Variants in COPG2 observed in about 807,000 individuals in gnomAD.
COPG2 encodes the protein coatomer subunit gamma-2.
A neutral mutation model predicts 46.3 loss-of-function variants in COPG2; 37 were observed. The observed-to-expected ratio is 0.80, with a 90% CI of 0.61 to 1.05. The LOEUF (loss-of-function observed/expected upper bound fraction) is 1.05, where lower values mean the gene tolerates loss of function less well. COPG2 is among the 50% of genes least tolerant of loss of function. COPG2 has a pLI of 0.00. For missense variants in COPG2, 427 were observed against 387.8 expected, an observed-to-expected ratio of 1.10 and a Z score of -0.85; for synonymous variants, 159 against 129.7, an observed-to-expected ratio of 1.23 and a Z score of -1.53.
At chr7:130,655,266 C>G (rs1554459748) in intron 4 of COPG2, among the ~76,000 whole-genome samples, 1 of 151,342 alleles carries the variant, frequency 6.6e-6, no homozygotes, top group Non-Finnish European at 1.5e-5. Context: ...TTTTTTTTCA[C>G]TTTGAGGCTT....
chr7:130,668,288 C>G (rs1425731506), intron 1 of COPG2, among the ~76,000 whole-genome samples: 1 of 151,982 alleles, frequency 6.6e-6, no homozygotes, highest in Non-Finnish European at 1.5e-5. Context: ...CCTACCAGCA[C>G]CCCTGGACGC....
At position 130,667,542 on chromosome 7, in the gene COPG2, T is replaced by TAAAAC; in HGVS notation, c.38-13_38-9dup. On this transcript the variant is annotated splice_polypyrimidine_tract_variant and intron_variant, in intron 1 of 23. Coordinates refer to ENST00000425248, the MANE Select transcript of COPG2 (RefSeq NM_012133.6). ...AAGGATTGGAGCCACTACCTATTTATAAAACAAAACAAAAAAATGTCCTGA... is the reference window on the plus strand; with the variant it reads ...AAGGATTGGAGCCACTACCTATTTATAAAACAAAACAAAACAAAAAAATGTCCTGA... 6.2e-7 allele frequency: 1 copy of TAAAAC among 1,612,488 alleles called. No homozygotes were observed. The highest frequency in any genetic ancestry group is 1.3e-5 in the African/African-American group (1 of 75,026).
At chr7:130,648,336 T>C in intron 5 of COPG2, among the ~76,000 whole-genome samples, 1 of 152,190 alleles carries the variant, frequency 6.6e-6, no homozygotes, top group South Asian at 2.1e-4. Flanking sequence ...CACTGTGTCA[T>C]TAGGGCTATG....
chr7:130,649,997 G>A (rs1011825134), intron 5 of COPG2, among the ~76,000 whole-genome samples: 3 of 152,098 alleles, frequency 2.0e-5, no homozygotes, highest in African/African-American at 4.8e-5. Context: ...TCAAGATATC[G>A]GTAGGGCTAC....
At chr7:130,511,108 A>G (rs1324304924) in intron 20 of COPG2, among the ~76,000 whole-genome samples, 3 of 152,184 alleles carry the variant, frequency 2.0e-5, no homozygotes, top group African/African-American at 7.2e-5. Context: ...CAGGAGAGGG[A>G]CATGTGAGTT....
intron 5 of COPG2, among the ~76,000 whole-genome samples, chr7:130,621,941 C>A (rs1795045769): frequency 2.6e-5 from 2 of 77,106 alleles, no homozygotes; most frequent in Admixed American, 1.4e-4. Flanking sequence ...GAGACTCCAT[C>A]TCAAAAAAAA....
At chr7:130,573,213 CAAAA>C (rs374780719) in intron 9 of COPG2, among the ~76,000 whole-genome samples, 2 of 145,426 alleles carry the variant, frequency 1.4e-5, no homozygotes, top group Admixed American at 6.8e-5. Flanking sequence ...AATCACACCT[CAAAA>C]AAAAAAAACC....
chr7:130,537,089 T>A (rs948501165), intron 20 of COPG2, among the ~76,000 whole-genome samples: 15 of 152,054 alleles, frequency 9.9e-5, no homozygotes, highest in Middle Eastern at 3.4e-3. Flanking sequence ...GGTGCATTCG[T>A]ACCGGGGGGA....
At chr7:130,592,430 G>T (rs542475189) in intron 9 of COPG2, among the ~76,000 whole-genome samples, 1 of 150,128 alleles carries the variant, frequency 6.7e-6, no homozygotes, top group African/African-American at 2.4e-5. Flanking sequence ...ATTTCTCAAG[G>T]TAGTACAAAA....
At chr7:130,664,199 T>C (rs7792600) in intron 3 of COPG2, among the ~76,000 whole-genome samples, 120,965 of 152,150 alleles carry the variant, frequency 0.8, 48,388 homozygotes, top group Non-Finnish European at 0.85. Flanking sequence ...AAAAGCAATC[T>C]TATATAATAC....
chr7:130,532,399 A>C (rs1241415704), intron 20 of COPG2, among the ~76,000 whole-genome samples: 1 of 151,982 alleles, frequency 6.6e-6, no homozygotes, highest in African/African-American at 2.4e-5. Flanking sequence ...CGCAAAGGGG[A>C]ATGGAGACAG....
intron 9 of COPG2, among the ~76,000 whole-genome samples, chr7:130,590,262 G>C (rs1298506882): frequency 6.7e-6 from 1 of 150,296 alleles, no homozygotes. Flanking sequence ...CTCTCCCCAC[G>C]GTCTCCCTCT....
intron 5 of COPG2, among the ~76,000 whole-genome samples, chr7:130,635,040 T>G (rs1189016873): frequency 6.6e-6 from 1 of 150,584 alleles, no homozygotes; most frequent in Non-Finnish European, 1.5e-5. Context: ...TGAACCAGCC[T>G]TGCATCCCAG....
intron 5 of COPG2, among the ~76,000 whole-genome samples, chr7:130,631,174 T>TTC (rs1795222540): frequency 1.1e-4 from 1 of 8,986 alleles, no homozygotes; most frequent in South Asian, 2.8e-3. Flanking sequence ...TTTCTTTTCT[T>TTC]TTTTTTTTTT....
At chr7:130,536,843 G>A (rs972765936) in intron 20 of COPG2, among the ~76,000 whole-genome samples, 3 of 152,196 alleles carry the variant, frequency 2.0e-5, no homozygotes, top group Non-Finnish European at 4.4e-5. Context: ...GCCAAGATAG[G>A]GGCCCAGTGA....
intron 9 of COPG2, among the ~76,000 whole-genome samples, chr7:130,590,789 G>A (rs1362445952): frequency 1.1e-4 from 17 of 151,322 alleles, no homozygotes; most frequent in East Asian, 2.0e-4. Context: ...CTGCCTGGCC[G>A]CCCATCATCT....
chr7:130,529,519 G>A (rs1799804345), intron 20 of COPG2, among the ~76,000 whole-genome samples: 1 of 152,078 alleles, frequency 6.6e-6, no homozygotes, highest in South Asian at 2.1e-4. Context: ...GAATAGAGGG[G>A]AGGCAGAATT....
At chr7:130,668,567 G>A in intron 1 of COPG2, 65 bp downstream of exon 1, 1 of 1,436,038 alleles carries the variant, frequency 7.0e-7, no homozygotes, top group Non-Finnish European at 9.3e-7. Flanking sequence ...CTGAAAGCAG[G>A]TGGCGGCGGG....
intron 20 of COPG2, among the ~76,000 whole-genome samples, chr7:130,531,069 T>G (rs1348233683): frequency 3.5e-5 from 1 of 28,518 alleles, no homozygotes; most frequent in Non-Finnish European, 7.5e-5. Flanking sequence ...GTGGTGGGGA[T>G]GGGGTTCGGG....
Sources: gnomAD v4.1 joint callset for allele counts (sites outside exome capture counted in the v4.1 genomes callset) on GRCh38, gnomAD v4.1.1 for gene constraint, MANE v1.5 for transcripts, NCBI Gene and HGNC (gene_info 2026-07-23, HGNC 2026-07-21) for gene names.